Variants in TNIK observed in about 807,000 individuals in gnomAD.
TNIK encodes the protein TRAF2 and NCK-interacting protein kinase.
A neutral mutation model predicts 191.3 loss-of-function variants in TNIK; 49 were observed. The observed-to-expected ratio is 0.26, with a 90% CI of 0.20 to 0.32. The LOEUF is 0.32. Among genes scored for constraint, TNIK ranks in the 10% least tolerant of loss-of-function variants. The probability of loss-of-function intolerance (pLI) is 1.00; values close to 1 mark genes in which losing one functional copy is unlikely to be tolerated. For missense variants in TNIK, 1,155 were observed against 1,702.3 expected (o/e 0.68, Z 5.66); for synonymous variants, 594 against 600.9 (o/e 0.99, Z 0.17).
chr3:171,390,431 T>C (rs1359490697), intron 1 of TNIK, among the ~76,000 whole-genome samples: 1 of 152,196 alleles, frequency 6.6e-6, no homozygotes, highest in Non-Finnish European at 1.5e-5. Context: ...GTAACCACCT[T>C]CGATCTCTTT....
At chr3:171,236,237 A>C (rs1177294301) in intron 2 of TNIK, among the ~76,000 whole-genome samples, 2 of 152,198 alleles carry the variant, frequency 1.3e-5, no homozygotes, top group African/African-American at 4.8e-5. Context: ...CCTGTGATCC[A>C]TCAGGGGCTA....
In TNIK at chr3:171,140,477, C is replaced by T; in HGVS notation, c.1254G>A (p.Gln418=). ...AGTGCCGGCGCTGCTCCCTCTCCTG[C>T]TGCTTCCGCAGCTCCTTCTCTCGCC... ...QQRREKELRK[Q]QEREQRRHYE... Residue 418 remains glutamine, a synonymous_variant, in exon 13 of 33, where the codon CAG becomes CAA. Transcript: ENST00000436636. 1 of 1,613,556 alleles carries T rather than the reference C, an allele frequency of 6.2e-7. No individual in the cohort carries two copies. Among genetic ancestry groups the T allele is most frequent in the East Asian group, 2.2e-5 (1 of 44,826 alleles).
intron 3 of TNIK, among the ~76,000 whole-genome samples, chr3:171,215,013 C>T (rs749041191): frequency 1.3e-5 from 2 of 152,144 alleles, no homozygotes; most frequent in Non-Finnish European, 2.9e-5. Context: ...GTCCATTTCT[C>T]TTCTCCTTGA....
intron 18 of TNIK, among the ~76,000 whole-genome samples, chr3:171,116,043 T>C (rs1726639003): frequency 6.6e-6 from 1 of 152,212 alleles, no homozygotes; most frequent in African/African-American, 2.4e-5. Flanking sequence ...TCTTAATAGG[T>C]TGCTATTTTT....
chr3:171,414,626 C>G (rs1040667741), intron 1 of TNIK, among the ~76,000 whole-genome samples: 1 of 152,154 alleles, frequency 6.6e-6, no homozygotes, highest in African/African-American at 2.4e-5. Flanking sequence ...TCCCACAGGC[C>G]AGTTCATTGA....
chr3:171,459,042 T>G (rs922843010), intron 1 of TNIK, among the ~76,000 whole-genome samples: 1 of 152,058 alleles, frequency 6.6e-6, no homozygotes, highest in Non-Finnish European at 1.5e-5. Flanking sequence ...AAGCAGCACT[T>G]GGATTCCTGG....
chr3:171,383,643 CA>C (rs892651014), intron 1 of TNIK, among the ~76,000 whole-genome samples: 37 of 150,722 alleles, frequency 2.5e-4, no homozygotes, highest in Non-Finnish European at 4.6e-4. Flanking sequence ...TTTTCTTAGC[CA>C]AAAAAAAATT....
intron 12 of TNIK, among the ~76,000 whole-genome samples, chr3:171,147,223 G>T (rs1731754214): frequency 6.6e-6 from 1 of 152,166 alleles, no homozygotes; most frequent in Non-Finnish European, 1.5e-5. Context: ...GCAAGATCAA[G>T]TCAGGCTCCT....
rs556747384 is a variant in TNIK, at chr3:171,190,147, T to G, written c.508+550A>C. On this transcript the variant is annotated intron_variant, in intron 6 of 32. Coordinates refer to ENST00000436636, the MANE Select transcript of TNIK (RefSeq NM_015028.4). Reference sequence around the variant, plus strand: ...GTCCCAGATTTGTTGCGGAAAGAGCTCTAACAGATACGCCAAAGAGAAGGA... The same window carrying G: ...GTCCCAGATTTGTTGCGGAAAGAGCGCTAACAGATACGCCAAAGAGAAGGA... Among the ~76,000 whole-genome samples, 14 of 152,268 alleles carry G rather than the reference T, an allele frequency of 9.2e-5. No homozygotes were observed. In the South Asian group the frequency reaches 2.9e-3, roughly 32 times the overall value.
intron 16 of TNIK, among the ~76,000 whole-genome samples, chr3:171,126,771 C>G (rs548740466): frequency 1.3e-5 from 2 of 152,252 alleles, no homozygotes; most frequent in Admixed American, 1.3e-4. Context: ...TGTGCTGGCT[C>G]TTACCATCTA....
In TNIK at chr3:171,071,212, T is replaced by A. The variant is rs768247985; in HGVS notation, c.3549+11A>T. ...AAAAAGCACATTTTAGATAATCACA[T>A]CCCTGCTTACCTTAAATGCCATGAA... is the stretch of plus-strand genomic sequence containing the variant. On this transcript the variant is annotated intron_variant, in intron 29 of 32. Transcript: ENST00000436636. 6.3e-7 allele frequency: 1 copy of A among 1,580,926 alleles called. No homozygotes were observed. Among genetic ancestry groups the A allele is most frequent in the South Asian group, 1.2e-5 (1 of 83,728 alleles).
intron 29 of TNIK, among the ~76,000 whole-genome samples, chr3:171,069,266 TA>T (rs1382058587): frequency 6.6e-6 from 1 of 152,154 alleles, no homozygotes; most frequent in Non-Finnish European, 1.5e-5. Context: ...TAATGTATAT[TA>T]AAAACCTGGT....
chr3:171,419,045 T>C (rs944431507), intron 1 of TNIK, among the ~76,000 whole-genome samples: 1 of 152,110 alleles, frequency 6.6e-6, no homozygotes, highest in African/African-American at 2.4e-5. Context: ...TTCTTATAAG[T>C]ATATTAATCC....
At chr3:171,176,883 A>T (rs1342848450) in intron 8 of TNIK, among the ~76,000 whole-genome samples, 2 of 152,232 alleles carry the variant, frequency 1.3e-5, no homozygotes, top group Non-Finnish European at 2.9e-5. Context: ...ATAGCAGGGA[A>T]ATCTAAAATT....
intron 4 of TNIK, among the ~76,000 whole-genome samples, chr3:171,210,622 C>T (rs899147693): frequency 1.3e-5 from 2 of 152,122 alleles, no homozygotes; most frequent in Non-Finnish European, 2.9e-5. Context: ...CACTCATCAG[C>T]GATAGACAGA....
intron 5 of TNIK, among the ~76,000 whole-genome samples, chr3:171,192,287 C>G (rs1738156268): frequency 6.6e-6 from 1 of 152,158 alleles, no homozygotes; most frequent in African/African-American, 2.4e-5. Flanking sequence ...AAGAGAGGGA[C>G]TGAAGATCCC....
chr3:171,183,763 A>C (rs1172671252), intron 7 of TNIK, among the ~76,000 whole-genome samples: 1 of 152,000 alleles, frequency 6.6e-6, no homozygotes, highest in African/African-American at 2.4e-5. Context: ...TCTACTAAAA[A>C]CACAAAAATT....
intron 2 of TNIK, among the ~76,000 whole-genome samples, chr3:171,244,320 C>A (rs902805546): frequency 2.6e-5 from 4 of 152,050 alleles, no homozygotes; most frequent in African/African-American, 7.2e-5. Context: ...CCACCTCGGC[C>A]TCCCAAAGTG....
At chr3:171,407,697 A>G (rs907675362) in intron 1 of TNIK, among the ~76,000 whole-genome samples, 3 of 152,200 alleles carry the variant, frequency 2.0e-5, no homozygotes, top group Non-Finnish European at 4.4e-5. Flanking sequence ...TTAATCTAAC[A>G]AGTATTTTGA....
Sources: allele counts gnomAD v4.1 joint callset (sites outside exome capture counted in the v4.1 genomes callset), GRCh38; gene constraint gnomAD v4.1.1; transcripts MANE v1.5; gene names NCBI Gene and HGNC (gene_info 2026-07-23, HGNC 2026-07-21).